Variants in SLC45A4 observed in about 807,000 individuals in gnomAD.
SLC45A4 encodes the protein solute carrier family 45 member 4.
A neutral mutation model predicts 63.7 loss-of-function variants in SLC45A4; 32 were observed. That is an observed-to-expected ratio of 0.50 (90% confidence interval 0.38 to 0.67). The LOEUF is 0.67. SLC45A4 is among the 30% of genes least tolerant of loss of function. SLC45A4 has a pLI of 0.00. For synonymous variants in SLC45A4, 535 were observed against 510.0 expected (o/e 1.05, Z -0.66); for missense variants, 1,027 against 1,157.7 (o/e 0.89, Z 1.64).
rs1444174076 is a variant in SLC45A4 at position 141,211,701 on chromosome 8, C to T, written c.2302-4G>A. 2.6e-6 allele frequency: 4 copies of T among 1,536,870 alleles called. No homozygotes were observed. The African/African-American group carries it at 5.6e-5, about 21-fold the overall frequency. ...AGACGTCAATACCTGCAGGCGTCTA[C>T]AGAGAGGAAATTTGATAAAAATATT... On this transcript the variant is annotated splice_polypyrimidine_tract_variant and splice_region_variant and intron_variant, in intron 8 of 8. Transcript: ENST00000517878.
chr8:141,287,627 G>A (rs1489274368), intron 1 of SLC45A4, among the ~76,000 whole-genome samples: 1 of 152,250 alleles, frequency 6.6e-6, no homozygotes, highest in East Asian at 1.9e-4. Flanking sequence ...CTTCTGTGCG[G>A]CATCTTTTCA....
intron 1 of SLC45A4, among the ~76,000 whole-genome samples, chr8:141,283,812 C>A (rs958560966): frequency 1.3e-5 from 2 of 152,216 alleles, no homozygotes; most frequent in African/African-American, 4.8e-5. Flanking sequence ...TGCAGCAGGG[C>A]CCATGATGGC....
intron 2 of SLC45A4, among the ~76,000 whole-genome samples, chr8:141,250,605 C>T (rs918791638): frequency 2.6e-5 from 4 of 152,144 alleles, no homozygotes; most frequent in East Asian, 1.9e-4. Context: ...AGCTGGAACT[C>T]CTGGGCTCAA....
In SLC45A4 at chr8:141,254,340, C is replaced by A; in HGVS notation, c.-111G>T. On this transcript the variant is annotated 5_prime_UTR_variant, in exon 2 of 9. Coordinates refer to ENST00000517878, the MANE Select transcript of SLC45A4 (RefSeq NM_001286646.2). The surrounding 1 kb of genome is among the most constrained non-coding windows in gnomAD (Gnocchi z 4.5). ...CTTCTCTTTCTGCTTCTGCTGTGTT[C>A]CTCGGGCAGGTAACACTTACATTCC... 7.9e-7 allele frequency: 1 copy of A among 1,260,900 alleles called. No homozygotes were observed. The highest frequency in any genetic ancestry group is 1.6e-5 in the South Asian group (1 of 63,288). The allele number at this position is 1,260,900 out of a possible 1,614,324, so 78.1% of individuals were successfully genotyped here.
intron 1 of SLC45A4, among the ~76,000 whole-genome samples, chr8:141,293,112 G>A (rs1012627173): frequency 6.6e-6 from 1 of 152,194 alleles, no homozygotes; most frequent in Non-Finnish European, 1.5e-5. Flanking sequence ...ATGCACGCCA[G>A]CAGTTCACTG....
In SLC45A4 at chr8:141,245,191, G is replaced by A. The variant is rs115661325; in HGVS notation, c.241+8798C>T. On this transcript the variant is annotated intron_variant, in intron 2 of 8. Transcript: ENST00000517878. ...CATCATATGTGTCAACTCTGCACAC[G>A]TTTCCAGAAGAAAGGAGATGCTGGT... Among the ~76,000 whole-genome samples, 498 of 152,260 alleles carry A rather than the reference G, an allele frequency of 3.3e-3. 2 individuals are homozygous for A. Among genetic ancestry groups the A allele is most frequent in the African/African-American group, 0.011 (449 of 41,572 alleles).
At position 141,241,019 on chromosome 8, in the gene SLC45A4, C is replaced by G. The variant is rs544127498; in HGVS notation, c.241+12970G>C. On this transcript the variant is annotated intron_variant, in intron 2 of 8. Transcript: ENST00000517878. The stretch of plus-strand genomic sequence containing the variant: ...GCCACTTCACACCCTCCCGCTCTCC[C>G]CGCTTTGGGGCGCTGTGGGCCTATG... Among the ~76,000 whole-genome samples the G allele has an allele frequency of 6.6e-5, 10 of 152,374 alleles. No individual in the cohort carries two copies. In the South Asian group the frequency reaches 1.9e-3, roughly 28 times the overall value.
At chr8:141,301,675 C>A (rs574870713) in intron 1 of SLC45A4, among the ~76,000 whole-genome samples, 252 of 133,726 alleles carry the variant, frequency 1.9e-3, no homozygotes, top group Non-Finnish European at 3.0e-3. Context: ...GTCGAGGCTG[C>A]AGTGAGCCAT....
chr8:141,285,061 C>T (rs527638067), intron 1 of SLC45A4, among the ~76,000 whole-genome samples: 3 of 152,350 alleles, frequency 2.0e-5, no homozygotes, highest in African/African-American at 7.2e-5. Context: ...CAGTGGGGCT[C>T]GGGGCCACTG....
At chr8:141,232,656 CACAG>C (rs1171971817) in intron 2 of SLC45A4, among the ~76,000 whole-genome samples, 1 of 150,126 alleles carries the variant, frequency 6.7e-6, no homozygotes, top group Non-Finnish European at 1.5e-5. Flanking sequence ...GCAACGGGAA[CACAG>C]ACATTCAGTG....
intron 1 of SLC45A4, among the ~76,000 whole-genome samples, chr8:141,272,334 G>A (rs1829571621): frequency 6.6e-6 from 1 of 152,224 alleles, no homozygotes. Flanking sequence ...GTGTTCACCA[G>A]CTCACGCGCT....
intron 1 of SLC45A4, among the ~76,000 whole-genome samples, chr8:141,298,611 T>C (rs1249863189): frequency 1.3e-5 from 2 of 152,044 alleles, no homozygotes; most frequent in Non-Finnish European, 2.9e-5. Context: ...CGGCAGCACC[T>C]CCTCCCTGAC....
At chr8:141,287,034 G>A (rs1481805377) in intron 1 of SLC45A4, among the ~76,000 whole-genome samples, 5 of 152,172 alleles carry the variant, frequency 3.3e-5, no homozygotes, top group East Asian at 3.9e-4. Context: ...ACCAAGCACC[G>A]TGTGACCTTG....
At chr8:141,243,094 C>T (rs1304076147) in intron 2 of SLC45A4, among the ~76,000 whole-genome samples, 1 of 152,204 alleles carries the variant, frequency 6.6e-6, no homozygotes, top group Non-Finnish European at 1.5e-5. Flanking sequence ...CACACACTGT[C>T]AGTCCCCCTC....
chr8:141,233,469 G>C (rs973720928), intron 2 of SLC45A4, among the ~76,000 whole-genome samples: 4 of 152,030 alleles, frequency 2.6e-5, no homozygotes, highest in Non-Finnish European at 5.9e-5. Flanking sequence ...ATCACTTGAG[G>C]CCAGAAGTTC....
chr8:141,283,535 A>G (rs1830036028), intron 1 of SLC45A4, among the ~76,000 whole-genome samples: 1 of 152,222 alleles, frequency 6.6e-6, no homozygotes, highest in Non-Finnish European at 1.5e-5. Flanking sequence ...TCCAGGCATC[A>G]ACATCGGTGT....
intron 1 of SLC45A4, among the ~76,000 whole-genome samples, chr8:141,285,799 C>G (rs1411495898): frequency 2.0e-5 from 3 of 152,192 alleles, no homozygotes; most frequent in Admixed American, 6.5e-5. Flanking sequence ...TGAACACATC[C>G]TTGGCTTTCA....
At position 141,217,339 on chromosome 8, in the gene SLC45A4, G is replaced by A. The variant is rs973685990; in HGVS notation, c.1630-150C>T. On this transcript the variant is annotated intron_variant, in intron 5 of 8. Transcript: ENST00000517878. The stretch of plus-strand genomic sequence containing the variant: ...CCAGGAGGAGAGCCCAGCCCAAGTC[G>A]GTTGCTATCTGTAAAGCATTTCCAT... 4 of 751,762 alleles carry A rather than the reference G, an allele frequency of 5.3e-6. No individual in the cohort carries two copies. The African/African-American group carries it at 7.1e-5, about 13-fold the overall frequency. 46.6% of individuals were successfully genotyped at this position (751,762 alleles called of 1,614,324 possible).
chr8:141,245,377 G>A (rs1215882933), intron 2 of SLC45A4, among the ~76,000 whole-genome samples: 1 of 152,184 alleles, frequency 6.6e-6, no homozygotes, highest in East Asian at 1.9e-4. Flanking sequence ...GGAAATGAAA[G>A]AGAAACCAGA....
Sources: allele counts gnomAD v4.1 joint callset (sites outside exome capture counted in the v4.1 genomes callset), GRCh38; gene constraint gnomAD v4.1.1; non-coding constraint Gnocchi (gnomAD v3.1); transcripts MANE v1.5; gene names NCBI Gene and HGNC (gene_info 2026-07-23, HGNC 2026-07-21).